Variants in CNR1 observed in about 807,000 individuals in gnomAD.
CNR1 encodes the protein cannabinoid receptor 1.
Under a neutral mutation model 23.0 loss-of-function variants are expected in CNR1, and 10 were observed. That is an observed-to-expected ratio of 0.43 (90% CI 0.27 to 0.74). The LOEUF is 0.74. Among genes scored for constraint, CNR1 ranks in the 30% least tolerant of loss-of-function variants. The pLI is 0.19. For missense variants in CNR1, 422 were observed against 618.8 expected (o/e 0.68, Z 3.37); for synonymous variants, 271 against 255.2 (o/e 1.06, Z -0.59).
intron 1 of CNR1, among the ~76,000 whole-genome samples, chr6:88,150,362 C>T (rs1777453097): frequency 6.6e-6 from 1 of 151,912 alleles, no homozygotes; most frequent in Admixed American, 6.5e-5. Context: ...TTCTCAAAGG[C>T]AAGGAGTAAG....
intron 1 of CNR1, among the ~76,000 whole-genome samples, chr6:88,158,254 T>C (rs1383860644): frequency 6.6e-6 from 1 of 152,228 alleles, no homozygotes; most frequent in Non-Finnish European, 1.5e-5. Flanking sequence ...ATTGAAACCA[T>C]GAGGCTGTTC....
Position 88,140,050 on chromosome 6 carries a change from A to G in CNR1, c.*3806T>C, listed in dbSNP as rs1197194020. 1.3e-5 allele frequency: 2 copies of G among 152,816 alleles called. No homozygotes were observed. Among genetic ancestry groups the G allele is most frequent in the African/African-American group, 2.4e-5 (1 of 41,470 alleles). 9.5% of individuals were successfully genotyped at this position (152,816 alleles called of 1,614,324 possible). ...ACTACTTTGCTATAGTAATTTAATG[A>G]CTGAAGCTACATTTAATAACAATCT... is the stretch of plus-strand genomic sequence containing the variant. On this transcript the variant is annotated 3_prime_UTR_variant, in exon 2 of 2. Coordinates refer to ENST00000369501, the MANE Select transcript of CNR1 (RefSeq NM_016083.6).
At chr6:88,167,279 G>C (rs1434539355), upstream of CNR1, among the ~76,000 whole-genome samples, 1 of 152,152 alleles carries the variant, frequency 6.6e-6, no homozygotes, top group African/African-American at 2.4e-5. Context: ...GGGGAGCCGC[G>C]GTGTGCTCAG....
Position 88,145,141 on chromosome 6 carries a change from G to A in CNR1, c.134C>T (p.Pro45Leu). Residue 45 changes from proline to leucine, a missense_variant, in exon 2 of 2, where the codon CCA (proline) becomes CTA (leucine). By Grantham distance (98) the Pro-to-Leu change is moderately conservative (BLOSUM62 -3). Around this residue, in one of 4 missense-constraint regions of CNR1, gnomAD observed 120 missense variants for 117.6 expected, o/e 1.02. Coordinates refer to ENST00000369501, the MANE Select transcript of CNR1 (RefSeq NM_016083.6). The stretch of plus-strand genomic sequence containing the variant: ...AAAGGAAGTTAAAGGGAATTTCTGT[G>A]GGAAGTACCCTAATTTGGATGCCAT... ...GDMASKLGYF[P>L]QKFPLTSFRG... 1 of 1,614,166 alleles carries A rather than the reference G, an allele frequency of 6.2e-7. No homozygotes were observed. Among genetic ancestry groups the A allele is most frequent in the Non-Finnish European group, 8.5e-7 (1 of 1,180,026 alleles).
rs541149512 is a variant in CNR1, at chr6:88,145,398, G to A, written c.-63-61C>T. 12 of 801,212 alleles carry A rather than the reference G, an allele frequency of 1.5e-5. No individual in the cohort carries two copies. In the East Asian group the frequency reaches 2.8e-4, roughly 19 times the overall value. 49.6% of individuals were successfully genotyped at this position (801,212 alleles called of 1,614,324 possible). A position where few individuals can be genotyped will look rare whatever the true frequency, so the allele number is the denominator to read the frequency against. On this transcript the variant is annotated intron_variant, in intron 1 of 1. Coordinates refer to ENST00000369501, the MANE Select transcript of CNR1 (RefSeq NM_016083.6). ...GAAACAGGAAGAATAAAAACAAAGA[G>A]ACACTGTAAATGTGGCAAATGTACT...
upstream of CNR1, among the ~76,000 whole-genome samples, chr6:88,166,532 C>T (rs1778377544): frequency 6.6e-6 from 1 of 152,106 alleles, no homozygotes; most frequent in African/African-American, 2.4e-5. Flanking sequence ...CGGCGCCAGC[C>T]CTGGGGCCAG....
chr6:88,164,952 T>C (rs1316103552), intron 1 of CNR1, among the ~76,000 whole-genome samples: 1 of 152,188 alleles, frequency 6.6e-6, no homozygotes, highest in Non-Finnish European at 1.5e-5. Flanking sequence ...AGGCTTACTA[T>C]ATCAGGAAAT....
chr6:88,157,001 T>C (rs1777837096), intron 1 of CNR1, among the ~76,000 whole-genome samples: 1 of 152,214 alleles, frequency 6.6e-6, no homozygotes, highest in Non-Finnish European at 1.5e-5. Flanking sequence ...GTGGAAGTTA[T>C]GGGCACAGAT....
upstream of CNR1, among the ~76,000 whole-genome samples, chr6:88,166,713 G>A (rs936590948): frequency 1.3e-5 from 2 of 152,178 alleles, no homozygotes; most frequent in African/African-American, 2.4e-5. Flanking sequence ...CGACCTCGGG[G>A]CCATTAATCA....
chr6:88,163,122 A>G (rs1350344052), intron 1 of CNR1: 1 of 152,210 alleles, frequency 6.6e-6, no homozygotes, highest in Admixed American at 6.5e-5. Context: ...AATTCACTGT[A>G]TATTCTTAGA....
chr6:88,155,914 C>T (rs1399022085), intron 1 of CNR1, among the ~76,000 whole-genome samples: 4 of 152,172 alleles, frequency 2.6e-5, no homozygotes, highest in African/African-American at 9.7e-5. Context: ...CTTTCCACAA[C>T]ACCAGTGAGA....
intron 1 of CNR1, among the ~76,000 whole-genome samples, chr6:88,160,374 T>C (rs1291023720): frequency 6.6e-6 from 1 of 151,824 alleles, no homozygotes; most frequent in East Asian, 1.9e-4. Flanking sequence ...AATTACCTAG[T>C]ACAAACGTCC....
In CNR1 at chr6:88,141,681, C is replaced by T. The variant is rs1351941608; in HGVS notation, c.*2175G>A. The T allele has an allele frequency of 6.6e-6, 1 of 152,334 alleles. No individual in the cohort carries two copies. Among genetic ancestry groups the T allele is most frequent in the Non-Finnish European group, 1.5e-5 (1 of 68,050 alleles). 9.4% of individuals were successfully genotyped at this position (152,334 alleles called of 1,614,324 possible). A position where few individuals can be genotyped will look rare whatever the true frequency, so the allele number is the denominator to read the frequency against. On this transcript the variant is annotated 3_prime_UTR_variant, in exon 2 of 2. Transcript: ENST00000369501. ...AAGAGATCTTACTAATCCTCTAGCA[C>T]CCTGAGCCTTCATCTGCACATGACA...
intron 1 of CNR1, among the ~76,000 whole-genome samples, chr6:88,146,482 A>C (rs991854288): frequency 7.9e-5 from 12 of 152,208 alleles, no homozygotes; most frequent in African/African-American, 2.9e-4. Context: ...TGGTGACACA[A>C]GTGTGCCTGG....
intron 1 of CNR1, chr6:88,164,419 A>C (rs1295810920): frequency 6.6e-6 from 1 of 152,364 alleles, no homozygotes; most frequent in Non-Finnish European, 1.5e-5. Context: ...TGTGCCTACA[A>C]ATAAGTGCCT....
Position 88,149,445 on chromosome 6 carries a change from T to C in CNR1, c.-63-4108A>G, listed in dbSNP as rs549927354. ...CTCTTGCTCCTTGCAAACTTATGTT[T>C]GCTTAACAACTCCATTTACATATGG... On this transcript the variant is annotated intron_variant, in intron 1 of 1. Transcript: ENST00000369501. Among the ~76,000 whole-genome samples the C allele has an allele frequency of 1.6e-4, 24 of 152,350 alleles. 1 individual carries two copies. The Middle Eastern group carries it at 0.024, about 151-fold the overall frequency.
At position 88,143,467 on chromosome 6, in the gene CNR1, T is replaced by G. The variant is rs1168143520; in HGVS notation, c.*389A>C. 1.1e-5 allele frequency: 2 copies of G among 185,978 alleles called. No individual in the cohort carries two copies. Among genetic ancestry groups the G allele is most frequent in the Non-Finnish European group, 2.3e-5 (2 of 88,532 alleles). 11.5% of individuals were successfully genotyped at this position (185,978 alleles called of 1,614,324 possible). On this transcript the variant is annotated 3_prime_UTR_variant, in exon 2 of 2. Coordinates refer to ENST00000369501, the MANE Select transcript of CNR1 (RefSeq NM_016083.6). ...TCTCTAGTACTATAACTTGTAAAAA[T>G]GGACATCTCTGATACTACGGACAGT...
At chr6:88,166,410 G>C (rs911254697), upstream of CNR1, 1 of 152,366 alleles carries the variant, frequency 6.6e-6, no homozygotes, top group Non-Finnish European at 1.5e-5. Context: ...ATGAGCCTTT[G>C]TCCTGCCCTG....
At chr6:88,152,993 G>A (rs1777608430) in intron 1 of CNR1, among the ~76,000 whole-genome samples, 1 of 152,120 alleles carries the variant, frequency 6.6e-6, no homozygotes. Context: ...ATGATTGAAT[G>A]ACATATAAGG....
Sources: gnomAD v4.1 joint callset for allele counts (sites outside exome capture counted in the v4.1 genomes callset) on GRCh38, gnomAD v4.1.1 for gene constraint, gnomAD v4.1.1 regional missense constraint, MANE v1.5 for transcripts, NCBI Gene and HGNC (gene_info 2026-07-23, HGNC 2026-07-21) for gene names.